RTL9: variants seen among roughly 807,000 people sequenced by gnomAD.
The protein encoded by RTL9 is retrotransposon Gag like 9.
RTL9 carries 19 observed loss-of-function variants against 44.7 expected under a neutral mutation model. The observed-to-expected ratio is 0.42, with a 90% CI of 0.30 to 0.62. RTL9 has a LOEUF of 0.62. Ranked by LOEUF, RTL9 falls within the 20% of genes least tolerant of loss-of-function variation. The pLI is 0.16. For synonymous variants in RTL9, 407 were observed against 398.9 expected (o/e 1.02, Z -0.24); for missense variants, 1,105 against 1,080.6 (o/e 1.02, Z -0.32).
chrX:110,418,528 C>T (rs777838290), upstream of RTL9, among the ~76,000 whole-genome samples: 6 of 111,944 alleles, frequency 5.4e-5, no homozygotes, highest in South Asian at 2.3e-3. Flanking sequence ...CGTCAGATTT[C>T]AAGGAACATG....
At chrX:110,398,660 T>A (rs1356085755) in intron 1 of RTL9, among the ~76,000 whole-genome samples, 3 of 112,111 alleles carry the variant, frequency 2.7e-5, no homozygotes, top group Middle Eastern at 4.6e-3. Context: ...ATCTTAACTG[T>A]ATCACACCAC....
chrX:110,427,719 A>G (rs2068764358), intron 1 of RTL9, among the ~76,000 whole-genome samples: 1 of 112,322 alleles, frequency 8.9e-6, no homozygotes. Flanking sequence ...CAAACTCCTT[A>G]GCTTGGCATT....
chrX:110,452,446 C>G (rs1028447042), exon 1 of RTL9: 1 of 1,209,748 alleles, frequency 8.3e-7, no homozygotes, highest in African/African-American at 1.8e-5. Flanking sequence ...AGATCTCTGG[C>G]CTCTGGAGCA....
At chrX:110,398,618 A>G (rs2068543675) in intron 1 of RTL9, among the ~76,000 whole-genome samples, 2 of 111,997 alleles carry the variant, frequency 1.8e-5, no homozygotes, top group African/African-American at 6.5e-5. Flanking sequence ...GAACTAGGAC[A>G]CAGCAGAAGA....
At chrX:110,395,113 G>A (rs1260472638) in intron 1 of RTL9, among the ~76,000 whole-genome samples, 1 of 112,510 alleles carries the variant, frequency 8.9e-6, no homozygotes, top group Non-Finnish European at 1.9e-5. Context: ...TTGTTTCAGG[G>A]GCTGCTTTGT....
intron 1 of RTL9, among the ~76,000 whole-genome samples, chrX:110,408,570 C>G (rs970493061): frequency 8.9e-6 from 1 of 112,159 alleles, no homozygotes; most frequent in African/African-American, 3.2e-5. Context: ...TCCCCTGCCC[C>G]GACCCCACAG....
intron 1 of RTL9, among the ~76,000 whole-genome samples, chrX:110,386,944 GA>G (rs948849072): frequency 8.9e-6 from 1 of 112,231 alleles, no homozygotes; most frequent in Non-Finnish European, 1.9e-5. Context: ...GACCACAACA[GA>G]AAAGATGCCA....
intron 1 of RTL9, among the ~76,000 whole-genome samples, chrX:110,373,737 T>C (rs778307521): frequency 2.7e-5 from 3 of 111,996 alleles, no homozygotes; most frequent in Admixed American, 9.5e-5. Flanking sequence ...GGTTTCAAGA[T>C]GTAAAAAAGG....
chrX:110,386,826 G>T (rs772151783), intron 1 of RTL9, among the ~76,000 whole-genome samples: 4 of 112,193 alleles, frequency 3.6e-5, no homozygotes, highest in Middle Eastern at 4.6e-3. Context: ...CAGGCACTGT[G>T]GGGGAATAAG....
At chrX:110,446,415 G>A (rs1290716515), upstream of RTL9, among the ~76,000 whole-genome samples, 1 of 110,659 alleles carries the variant, frequency 9.0e-6, no homozygotes, top group African/African-American at 3.3e-5. Context: ...TGCTTGGGTC[G>A]GGGGGTGGAT....
intron 1 of RTL9, among the ~76,000 whole-genome samples, chrX:110,422,270 C>T (rs2068722873): frequency 8.9e-6 from 1 of 112,924 alleles, no homozygotes; most frequent in East Asian, 2.8e-4. Flanking sequence ...TTACCTGGCC[C>T]TCAGACAAGC....
At chrX:110,453,058 C>T (rs762136270) in exon 1 of RTL9, 30 of 1,209,651 alleles carry the variant, frequency 2.5e-5, no homozygotes, top group Admixed American at 2.0e-4. Context: ...AGATCCCCAG[C>T]TTATGGAGCC....
chrX:110,414,867 C>T (rs909559763), upstream of RTL9, among the ~76,000 whole-genome samples: 2 of 112,383 alleles, frequency 1.8e-5, no homozygotes, highest in Middle Eastern at 4.2e-3. Context: ...TCCTTCCTTT[C>T]TCACTGCATC....
chrX:110,365,556 T>C (rs757246467), intron 1 of RTL9, among the ~76,000 whole-genome samples: 9 of 111,993 alleles, frequency 8.0e-5, no homozygotes, highest in Non-Finnish European at 1.3e-4. Flanking sequence ...TAATAACTTT[T>C]GGGGAGAATG....
intron 1 of RTL9, among the ~76,000 whole-genome samples, chrX:110,397,724 G>T (rs193011504): frequency 9.0e-6 from 1 of 111,521 alleles, no homozygotes. Flanking sequence ...TCAGAGCCTG[G>T]GGAACAGCCT....
intron 1 of RTL9, among the ~76,000 whole-genome samples, chrX:110,403,234 C>A (rs1009079749): frequency 8.9e-6 from 1 of 112,257 alleles, no homozygotes; most frequent in Non-Finnish European, 1.9e-5. Flanking sequence ...GCAAACCTCA[C>A]AGAGGATGCT....
chrX:110,422,802 C>G (rs918076551), intron 1 of RTL9, among the ~76,000 whole-genome samples: 1 of 111,597 alleles, frequency 9.0e-6, no homozygotes, highest in African/African-American at 3.3e-5. Context: ...GAGATCTTCC[C>G]CAAACTCACC....
intron 1 of RTL9, among the ~76,000 whole-genome samples, chrX:110,429,474 G>T (rs137890019): frequency 0.056 from 3,683 of 65,327 alleles, 70 homozygotes; most frequent in African/African-American, 0.19. Context: ...TTTTTTTTTT[G>T]TTTTGTTTTT....
intron 1 of RTL9, among the ~76,000 whole-genome samples, chrX:110,438,751 A>G (rs189106833): frequency 2.3e-4 from 26 of 111,519 alleles, no homozygotes; most frequent in African/African-American, 7.8e-4. Flanking sequence ...CTTTTAGAAC[A>G]CAAATTAGAA....
Sources: allele counts gnomAD v4.1 joint callset (sites outside exome capture counted in the v4.1 genomes callset), GRCh38; gene constraint gnomAD v4.1.1; transcripts MANE v1.5; gene names NCBI Gene and HGNC (gene_info 2026-07-23, HGNC 2026-07-21).